SPATA2L: variants seen among roughly 807,000 people sequenced by gnomAD.
SPATA2L encodes the protein spermatogenesis associated 2 like.
A neutral mutation model predicts 8.7 loss-of-function variants in SPATA2L; 5 were observed. The ratio of observed to expected loss-of-function variants is 0.57; its 90% CI spans 0.30 to 1.21. The LOEUF is 1.21. Ranked by LOEUF, SPATA2L falls within the 50% of genes most tolerant of loss-of-function variation. The pLI, the probability that SPATA2L is intolerant of heterozygous loss-of-function variation, is 0.07. For synonymous variants in SPATA2L, 358 were observed against 275.8 expected (o/e 1.30, Z -2.95); for missense variants, 671 against 591.0 (o/e 1.14, Z -1.40).
At position 89,701,042 on chromosome 16, in the gene SPATA2L, C is replaced by T. The variant is rs923167508; in HGVS notation, c.191G>A (p.Arg64His). ...LALLTDGLWG[R>H]ADLAPALRGL... ...GCGTAGCGCGGGCGCCAGGTCGGCG[C>T]GGCCCCACAGCCCGTCGGTGAGCAG... Residue 64 changes from arginine to histidine, a missense_variant, in exon 2 of 3, where the codon CGC becomes CAC. Arg to His is a conservative substitution (Grantham distance 29). Coordinates refer to ENST00000289805, the MANE Select transcript of SPATA2L (RefSeq NM_152339.4). 6.4e-7 allele frequency: 1 copy of T among 1,570,538 alleles called. No homozygotes were observed. The highest frequency in any genetic ancestry group is 8.6e-7 in the Non-Finnish European group (1 of 1,161,710).
chr16:89,699,553 CTTTT>C (rs374276446), intron 2 of SPATA2L, among the ~76,000 whole-genome samples: 10 of 142,094 alleles, frequency 7.0e-5, no homozygotes, highest in South Asian at 4.4e-4. Flanking sequence ...GGTGAGTGCT[CTTTT>C]TTTTTTTTTT....
rs192192589 is a variant in SPATA2L at position 89,698,177 on chromosome 16, G to A, written c.432C>T (p.Pro144=). ...SHRLMVTALP[P]ACQLVQVALG... ...GGGCCACCTGCACCAGCTGGCAGGC[G>A]GGGGGCAGGGCGGTCACCATGAGCC... The change falls in exon 3 of 3, where the codon CCC becomes CCT. Residue 144 remains proline (P), a synonymous_variant. Coordinates refer to ENST00000289805, the MANE Select transcript of SPATA2L (RefSeq NM_152339.4). The A allele has an allele frequency of 4.3e-5, 69 of 1,612,162 alleles. 2 individuals carry two copies. The East Asian group carries it at 4.9e-4, about 11-fold the overall frequency.
chr16:89,696,584 T>C lies in SPATA2L; in HGVS notation c.*750A>G. 3.9e-6 allele frequency: 2 copies of C among 512,212 alleles called. No homozygotes were observed. Among genetic ancestry groups the C allele is most frequent in the South Asian group, 3.0e-5 (1 of 33,078 alleles). The allele number at this position is 512,212 out of a possible 1,614,324, so 31.7% of individuals were successfully genotyped here. Reference sequence around the variant, plus strand: ...GCCTGTGGGCTGCACCCACAGGGAATGGAGGGGAGGGGCACCATTACCACT... The same window carrying C: ...GCCTGTGGGCTGCACCCACAGGGAACGGAGGGGAGGGGCACCATTACCACT... On this transcript the variant is annotated 3_prime_UTR_variant, in exon 3 of 3. Coordinates refer to ENST00000289805, the MANE Select transcript of SPATA2L (RefSeq NM_152339.4).
In SPATA2L at chr16:89,696,680, G is replaced by A; in HGVS notation, c.*654C>T. 2 of 1,177,022 alleles carry A rather than the reference G, an allele frequency of 1.7e-6. No individual in the cohort carries two copies. The highest frequency in any genetic ancestry group is 3.1e-5 in the South Asian group (2 of 64,774). The allele number at this position is 1,177,022 out of a possible 1,614,324, so 72.9% of individuals were successfully genotyped here. A position where few individuals can be genotyped will look rare whatever the true frequency, so the allele number is the denominator to read the frequency against. ...TTCCGCCCAGCAGCAGTGACGCTCA[G>A]GGCCTTCCCAGCTGTCAGCCACTGC... On this transcript the variant is annotated 3_prime_UTR_variant, in exon 3 of 3. Transcript: ENST00000289805.
At position 89,698,242 on chromosome 16, in the gene SPATA2L, T is replaced by C; in HGVS notation, c.367A>G (p.Ser123Gly). ...GVLSDDLLLK[S>G]FQKMGYVRRD... is the part of the protein sequence containing the mutation. ...CGTACGTAGCCCATCTTCTGGAAGC[T>C]CTTCAGGAGGAGGTCGTCTGAGAGC... The change falls in exon 3 of 3, where the codon AGC (serine) becomes GGC (glycine). Residue 123 changes from serine to glycine, a missense_variant. Physicochemically the swap from Ser to Gly is moderately conservative, Grantham distance 56 (BLOSUM62 0). Coordinates refer to ENST00000289805, the MANE Select transcript of SPATA2L (RefSeq NM_152339.4). 1 of 1,609,882 alleles carries C rather than the reference T, an allele frequency of 6.2e-7. No homozygotes were observed. Among genetic ancestry groups the C allele is most frequent in the Non-Finnish European group, 8.5e-7 (1 of 1,177,858 alleles).
Position 89,701,191 on chromosome 16 carries a change from C to T in SPATA2L, c.42G>A (p.Leu14=), listed in dbSNP as rs911255871. 2.7e-6 allele frequency: 4 copies of T among 1,475,480 alleles called. No homozygotes were observed. The highest frequency in any genetic ancestry group is 1.3e-5 in the South Asian group (1 of 78,116). 91.4% of individuals were successfully genotyped at this position (1,475,480 alleles called of 1,614,324 possible). Residue 14 remains leucine (L), a synonymous_variant, in exon 2 of 3, where the codon CTG becomes CTA. Transcript: ENST00000289805. The part of the protein sequence containing the change: ...SSLSEDYRQC[L]ERELRRGRAG... ...CGCGGCCCCGTCGCAGCTCGCGCTCCAGGCACTGGCGGTAGTCCTCGGACA... is the reference window on the plus strand; with the variant it reads ...CGCGGCCCCGTCGCAGCTCGCGCTCTAGGCACTGGCGGTAGTCCTCGGACA...
At chr16:89,700,890 G>A (rs2060771655) in intron 2 of SPATA2L, 40 bp downstream of exon 2, 3 of 1,407,042 alleles carry the variant, frequency 2.1e-6, no homozygotes, top group Admixed American at 3.1e-5. Context: ...CGACCCGCAG[G>A]CCAGGACGAG....
chr16:89,696,933 C>T lies in SPATA2L; in HGVS notation c.*401G>A. On this transcript the variant is annotated 3_prime_UTR_variant, in exon 3 of 3. Transcript: ENST00000289805. The stretch of plus-strand genomic sequence containing the variant: ...ACACTCGTGTGGAGAATCCCTGGGA[C>T]ACGTGGAGGACCCCCAAGTCCTGAG... 1 of 1,516,166 alleles carries T rather than the reference C, an allele frequency of 6.6e-7. No homozygotes were observed. Among genetic ancestry groups the T allele is most frequent in the Non-Finnish European group, 8.8e-7 (1 of 1,132,962 alleles). 93.9% of individuals were successfully genotyped at this position (1,516,166 alleles called of 1,614,324 possible).
intron 2 of SPATA2L, among the ~76,000 whole-genome samples, chr16:89,700,006 C>T (rs2151611513): frequency 6.6e-6 from 1 of 152,338 alleles, no homozygotes. Context: ...GTGCCTGCAG[C>T]ACTGAGCTCG....
rs1041266658 is a variant in SPATA2L, at chr16:89,696,844, C to G, written c.*490G>C. The G allele has an allele frequency of 2.6e-6, 4 of 1,535,486 alleles. No homozygotes were observed. The highest frequency in any genetic ancestry group is 3.5e-6 in the Non-Finnish European group (4 of 1,146,544). ...GTCAGCCGTGCACCCGGCAGAGCCC[C>G]GCAGATTGGCTCCAGCAGAGCTTGG... On this transcript the variant is annotated 3_prime_UTR_variant, in exon 3 of 3. Coordinates refer to ENST00000289805, the MANE Select transcript of SPATA2L (RefSeq NM_152339.4).
rs1193575382 is a variant in SPATA2L, at chr16:89,696,437, C to T, written c.*897G>A. On this transcript the variant is annotated 3_prime_UTR_variant, in exon 3 of 3. Coordinates refer to ENST00000289805, the MANE Select transcript of SPATA2L (RefSeq NM_152339.4). ...GGGAGGAGGGGGTGGGGCGGAGGGT[C>T]AGGAAAGCAGGCTCAGCTTCCAGGG... The T allele has an allele frequency of 6.9e-6, 2 of 290,776 alleles. No homozygotes were observed. Among genetic ancestry groups the T allele is most frequent in the African/African-American group, 4.4e-5 (2 of 45,786 alleles). 18.0% of individuals were successfully genotyped at this position (290,776 alleles called of 1,614,324 possible).
In SPATA2L at chr16:89,698,065, G is replaced by C; in HGVS notation, c.544C>G (p.Leu182Val). 1.3e-6 allele frequency: 2 copies of C among 1,598,920 alleles called. No individual in the cohort carries two copies. Among genetic ancestry groups the C allele is most frequent in the East Asian group, 2.2e-5 (1 of 44,690 alleles). ...LGTSVLPAEE[L>V]LQARRASGDV... ...CCGCTGGCACGCCGTGCCTGCAGCA[G>C]CTCCTCAGCTGGCAGCACACTGGTG... Residue 182 changes from leucine (L) to valine (V), a missense_variant, in exon 3 of 3, where the codon CTG (leucine) becomes GTG (valine). Coordinates refer to ENST00000289805, the MANE Select transcript of SPATA2L (RefSeq NM_152339.4).
intron 2 of SPATA2L, among the ~76,000 whole-genome samples, chr16:89,699,451 T>G (rs1437183709): frequency 3.3e-5 from 5 of 152,138 alleles, no homozygotes; most frequent in Non-Finnish European, 7.4e-5. Flanking sequence ...CCCCCTGCTG[T>G]GTAGTATTCC....
Position 89,696,485 on chromosome 16 carries a change from G to A in SPATA2L, c.*849C>T. On this transcript the variant is annotated 3_prime_UTR_variant, in exon 3 of 3. Coordinates refer to ENST00000289805, the MANE Select transcript of SPATA2L (RefSeq NM_152339.4). Reference sequence around the variant, plus strand: ...GGGTCAGGGAGTTGTGGGCCCAGAGGGGCTGTCACAGTGGATGCACCCTGC... The same window carrying A: ...GGGTCAGGGAGTTGTGGGCCCAGAGAGGCTGTCACAGTGGATGCACCCTGC... 1 of 354,244 alleles carries A rather than the reference G, an allele frequency of 2.8e-6. No homozygotes were observed. The highest frequency in any genetic ancestry group is 5.2e-6 in the Non-Finnish European group (1 of 193,438). The allele number at this position is 354,244 out of a possible 1,614,324, so 21.9% of individuals were successfully genotyped here.
intron 2 of SPATA2L, among the ~76,000 whole-genome samples, chr16:89,699,562 T>C (rs1361956716): frequency 6.6e-6 from 1 of 151,682 alleles, no homozygotes; most frequent in African/African-American, 2.4e-5. Context: ...TCTTTTTTTT[T>C]TTTTTTTGAG....
Position 89,696,387 on chromosome 16 carries a change from G to T in SPATA2L, c.*947C>A. 4.3e-6 allele frequency: 1 copy of T among 231,656 alleles called. No homozygotes were observed. The highest frequency in any genetic ancestry group is 8.5e-6 in the Non-Finnish European group (1 of 118,104). 14.4% of individuals were successfully genotyped at this position (231,656 alleles called of 1,614,324 possible). A position where few individuals can be genotyped will look rare whatever the true frequency, so the allele number is the denominator to read the frequency against. ...TCACCAGCGTTTAATGTGCTCTGAT[G>T]TTGACCGTCCCTCTGAGTGTTCTGG... On this transcript the variant is annotated 3_prime_UTR_variant, in exon 3 of 3. Coordinates refer to ENST00000289805, the MANE Select transcript of SPATA2L (RefSeq NM_152339.4).
chr16:89,698,257 C>A lies in SPATA2L; in HGVS notation c.352G>T (p.Asp118Tyr). Residue 118 changes from aspartate to tyrosine, a missense_variant, in exon 3 of 3, where the codon GAC becomes TAC. Coordinates refer to ENST00000289805, the MANE Select transcript of SPATA2L (RefSeq NM_152339.4). Reference sequence around the variant, plus strand: ...TTCTGGAAGCTCTTCAGGAGGAGGTCGTCTGAGAGCACACCCTTCAGCACG... The same window carrying A: ...TTCTGGAAGCTCTTCAGGAGGAGGTAGTCTGAGAGCACACCCTTCAGCACG... ...VHVLKGVLSD[D>Y]LLLKSFQKMG... 6.2e-7 allele frequency: 1 copy of A among 1,602,728 alleles called. No individual in the cohort carries two copies. Among genetic ancestry groups the A allele is most frequent in the South Asian group, 1.1e-5 (1 of 89,760 alleles).
rs2060741879 is a variant in SPATA2L at position 89,697,608 on chromosome 16, C to T, written c.1001G>A (p.Arg334Lys). ...TGGTACCCCCTCTGCCCGAATACGC[C>T]TCGGGCTGGCCGCTGCAGAGCTTTC... is the stretch of plus-strand genomic sequence containing the variant. Reference protein sequence around the residue: ...TPESSAAASPRRIRAEGVPAS... With the variant: ...TPESSAAASPKRIRAEGVPAS... Residue 334 changes from arginine (R) to lysine (K), a missense_variant, in exon 3 of 3, where the codon AGG becomes AAG. Arg to Lys is a conservative substitution (Grantham distance 26). Coordinates refer to ENST00000289805, the MANE Select transcript of SPATA2L (RefSeq NM_152339.4). 6.2e-7 allele frequency: 1 copy of T among 1,604,188 alleles called. No homozygotes were observed. The highest frequency in any genetic ancestry group is 1.7e-5 in the Admixed American group (1 of 59,904).
chr16:89,697,783 G>C lies in SPATA2L; in HGVS notation c.826C>G (p.Arg276Gly). Residue 276 changes from arginine to glycine, a missense_variant, in exon 3 of 3, where the codon CGG (arginine) becomes GGG (glycine). Physicochemically the swap from Arg to Gly is moderately radical, Grantham distance 125 (BLOSUM62 -2). Transcript: ENST00000289805. ...QSAKLWGTGG[R>G]AWEPPAEELP... is the part of the protein sequence containing the mutation. ...TCCTCAGCTGGGGGCTCCCAGGCCC[G>C]GCCCCCAGTGCCCCACAGTTTGGCA... The C allele has an allele frequency of 6.3e-7, 1 of 1,599,446 alleles. No homozygotes were observed. Among genetic ancestry groups the C allele is most frequent in the South Asian group, 1.1e-5 (1 of 89,598 alleles).
Sources: allele counts gnomAD v4.1 joint callset (sites outside exome capture counted in the v4.1 genomes callset), GRCh38; gene constraint gnomAD v4.1.1; transcripts MANE v1.5; gene names NCBI Gene and HGNC (gene_info 2026-07-23, HGNC 2026-07-21).